The following DSE variants were observed in gnomAD, a reference collection of about 807,000 sequenced individuals.
The protein encoded by DSE is dermatan sulfate epimerase, also known as dermatan-sulfate epimerase.
A neutral mutation model predicts 84.4 loss-of-function variants in DSE; 36 were observed. The ratio of observed to expected loss-of-function variants is 0.43; its 90% confidence interval spans 0.33 to 0.56. The LOEUF (loss-of-function observed/expected upper bound fraction) is 0.56. DSE is among the 20% of genes least tolerant of loss of function. The pLI is 0.06. For synonymous variants in DSE, 410 were observed against 430.1 expected (o/e 0.95, Z 0.58); for missense variants, 862 against 1,169.6 (o/e 0.74, Z 3.84).
exon 2 of DSE, chr6:116,258,834 C>T (rs777141451): frequency 1.2e-6 from 2 of 1,608,574 alleles, no homozygotes; most frequent in Non-Finnish European, 8.5e-7. Context: ...CGAAGGCATG[C>T]TTGACGATGC....
At chr6:116,312,205 G>A (rs746977051) in intron 2 of DSE, among the ~76,000 whole-genome samples, 13 of 152,148 alleles carry the variant, frequency 8.5e-5, no homozygotes, top group Non-Finnish European at 1.3e-4. Context: ...GGAAGTCAGC[G>A]GTGACAGGAT....
At chr6:116,383,804 T>C (rs901995729) in intron 1 of DSE, among the ~76,000 whole-genome samples, 2 of 152,196 alleles carry the variant, frequency 1.3e-5, no homozygotes, top group Admixed American at 1.3e-4. Context: ...TGGCCAGCAA[T>C]TCAGAAATTA....
chr6:116,316,742 G>A (rs1055445323), intron 2 of DSE, among the ~76,000 whole-genome samples: 1 of 151,716 alleles, frequency 6.6e-6, no homozygotes, highest in Non-Finnish European at 1.5e-5. Context: ...ATTACAGAAA[G>A]GAAGATATTT....
intron 2 of DSE, among the ~76,000 whole-genome samples, chr6:116,336,879 A>G (rs961582378): frequency 2.0e-5 from 3 of 152,190 alleles, no homozygotes; most frequent in African/African-American, 7.2e-5. Context: ...ATCTTACTAA[A>G]TTCAGCTTTC....
At chr6:116,370,284 T>C (rs2114910192), upstream of DSE, 2 of 238,032 alleles carry the variant, frequency 8.4e-6, no homozygotes, top group South Asian at 1.6e-4. Context: ...CCTTCTGTGA[T>C]TAAAATCTGT....
chr6:116,395,384 C>G (rs776635201), intron 1 of DSE, among the ~76,000 whole-genome samples: 1 of 150,824 alleles, frequency 6.6e-6, no homozygotes, highest in Non-Finnish European at 1.5e-5. Context: ...GAGATCGGGC[C>G]ACTGCACTCC....
At chr6:116,361,182 C>G (rs1778864122) in intron 2 of DSE, among the ~76,000 whole-genome samples, 1 of 152,018 alleles carries the variant, frequency 6.6e-6, no homozygotes, top group South Asian at 2.1e-4. Flanking sequence ...GCCTTAGCCT[C>G]CCCAGTAGCT....
chr6:116,381,276 G>A (rs1205954679), intron 1 of DSE, among the ~76,000 whole-genome samples: 1 of 152,072 alleles, frequency 6.6e-6, no homozygotes, highest in Non-Finnish European at 1.5e-5. Context: ...TGAAATGTGA[G>A]TCATGCTCAA....
At chr6:116,357,808 C>G (rs73767752) in intron 2 of DSE, among the ~76,000 whole-genome samples, 1,828 of 152,230 alleles carry the variant, frequency 0.012, 42 homozygotes, top group African/African-American at 0.042. Context: ...GTATTAAAAT[C>G]CGCGTGCGCA....
intron 1 of DSE, among the ~76,000 whole-genome samples, chr6:116,377,816 C>T (rs1166409353): frequency 2.0e-5 from 3 of 152,176 alleles, no homozygotes; most frequent in Non-Finnish European, 4.4e-5. Context: ...ACCTTCTAGA[C>T]AGTTCTGACT....
At chr6:116,266,002 G>A (rs921963997) in intron 2 of DSE, among the ~76,000 whole-genome samples, 1 of 152,140 alleles carries the variant, frequency 6.6e-6, no homozygotes, top group East Asian at 1.9e-4. Flanking sequence ...TCCAGAGGCC[G>A]CGTGAGAGTA....
At chr6:116,281,599 A>T (rs1021951626) in intron 2 of DSE, among the ~76,000 whole-genome samples, 14 of 152,238 alleles carry the variant, frequency 9.2e-5, no homozygotes, top group Non-Finnish European at 1.8e-4. Flanking sequence ...ATGCACAGAA[A>T]GACAAAATTA....
At chr6:116,367,795 G>A (rs902647442), upstream of DSE, among the ~76,000 whole-genome samples, 8 of 152,144 alleles carry the variant, frequency 5.3e-5, no homozygotes, top group African/African-American at 1.9e-4. Flanking sequence ...TTCTTGCCTA[G>A]TAAATTTCCA....
At chr6:116,284,327 T>C (rs2114652587) in intron 2 of DSE, among the ~76,000 whole-genome samples, 1 of 152,296 alleles carries the variant, frequency 6.6e-6, no homozygotes, top group East Asian at 1.9e-4. Context: ...ATCTTTTAGT[T>C]GTCATAAGAA....
intron 2 of DSE, among the ~76,000 whole-genome samples, chr6:116,420,991 G>A (rs1043449618): frequency 6.6e-6 from 1 of 152,080 alleles, no homozygotes; most frequent in African/African-American, 2.4e-5. Context: ...CTTTAAAATT[G>A]GTACAAAAAT....
At chr6:116,427,475 A>G (rs1346260064) in intron 3 of DSE, among the ~76,000 whole-genome samples, 2 of 152,254 alleles carry the variant, frequency 1.3e-5, no homozygotes, top group African/African-American at 4.8e-5. Context: ...TATTAAATAT[A>G]TAATTGGAGA....
intron 1 of DSE, among the ~76,000 whole-genome samples, chr6:116,374,082 A>AT: frequency 6.6e-6 from 1 of 151,442 alleles, no homozygotes; most frequent in Non-Finnish European, 1.5e-5. Flanking sequence ...CTGTCAAAGG[A>AT]TTTTTACCTT....
chr6:116,309,570 G>A (rs1158838632), intron 2 of DSE, among the ~76,000 whole-genome samples: 2 of 152,194 alleles, frequency 1.3e-5, no homozygotes, highest in Non-Finnish European at 2.9e-5. Flanking sequence ...GTTATTGTCT[G>A]TTTGTGCTGC....
intron 2 of DSE, among the ~76,000 whole-genome samples, chr6:116,275,624 C>T (rs1253415853): frequency 6.6e-6 from 1 of 152,074 alleles, no homozygotes; most frequent in Admixed American, 6.5e-5. Flanking sequence ...CATGGTGAAA[C>T]CCCATCTCTA....
Sources: gnomAD v4.1 joint callset for allele counts (sites outside exome capture counted in the v4.1 genomes callset) on GRCh38, gnomAD v4.1.1 for gene constraint, MANE v1.5 for transcripts, NCBI Gene and HGNC (gene_info 2026-07-23, HGNC 2026-07-21) for gene names.